Variants in CDC40 observed in about 807,000 individuals in gnomAD.
The protein encoded by CDC40 is pre-mRNA-processing factor 17.
CDC40 carries 27 observed loss-of-function variants against 80.6 expected under a neutral mutation model. The observed-to-expected ratio is 0.33, with a 90% confidence interval of 0.25 to 0.46. CDC40 has a LOEUF of 0.46. CDC40 is among the 20% of genes least tolerant of loss of function. CDC40 has a pLI of 1.00. For synonymous variants in CDC40, 221 were observed against 232.6 expected (o/e 0.95, Z 0.45); for missense variants, 486 against 694.1 (o/e 0.70, Z 3.37).
At chr6:110,225,873 C>G (rs1357233346) in intron 12 of CDC40, among the ~76,000 whole-genome samples, 1 of 152,120 alleles carries the variant, frequency 6.6e-6, no homozygotes, top group Non-Finnish European at 1.5e-5. Flanking sequence ...AAAGAACTTT[C>G]TTTCAGTAAC....
chr6:110,230,663 G>T lies in CDC40; in HGVS notation c.*532G>T, dbSNP rs1232305819. On this transcript the variant is annotated 3_prime_UTR_variant, in exon 15 of 15. Transcript: ENST00000307731. ...TCCACTCCCTTTGATGATATATGTT[G>T]TATATTTTTAGTTGTAAAGCAGTAA... is the stretch of plus-strand genomic sequence containing the variant. The T allele has an allele frequency of 6.6e-6, 1 of 151,316 alleles. No individual in the cohort carries two copies. Among genetic ancestry groups the T allele is most frequent in the African/African-American group, 2.5e-5 (1 of 40,684 alleles). The allele number at this position is 151,316 out of a possible 1,614,324, so 9.4% of individuals were successfully genotyped here.
chr6:110,224,327 T>C (rs1412772824), intron 12 of CDC40: 1 of 152,234 alleles, frequency 6.6e-6, no homozygotes, highest in African/African-American at 2.4e-5. Context: ...AGATATGAGT[T>C]ACTAGCTTAT....
intron 5 of CDC40, among the ~76,000 whole-genome samples, chr6:110,210,104 T>G (rs563260987): frequency 6.6e-6 from 1 of 152,278 alleles, no homozygotes; most frequent in African/African-American, 2.4e-5. Flanking sequence ...CCTTGTCTTT[T>G]TACTTGTATA....
chr6:110,227,772 G>A (rs1323427043), intron 13 of CDC40, among the ~76,000 whole-genome samples: 1 of 152,150 alleles, frequency 6.6e-6, no homozygotes, highest in African/African-American at 2.4e-5. Context: ...TAATCGAGAG[G>A]TGATTTAATG....
In CDC40 at chr6:110,183,617, T is replaced by C. The variant is rs117069698; in HGVS notation, c.189+2984T>C. ...TGTTTATATGAAGGGAAAACAAACT[T>C]ACACATAGTAAATATAATGATTGCA... On this transcript the variant is annotated intron_variant, in intron 1 of 14. Coordinates refer to ENST00000307731, the MANE Select transcript of CDC40 (RefSeq NM_015891.3). 2.0e-3 allele frequency among the ~76,000 whole-genome samples: 305 copies of C among 152,308 alleles called. 2 individuals carry two copies. The highest frequency in any genetic ancestry group is 0.012 in the East Asian group (63 of 5,182).
intron 2 of CDC40, among the ~76,000 whole-genome samples, 172 bp from the exon 3 acceptor site, chr6:110,201,386 G>GGT (rs1233687546): frequency 6.6e-6 from 1 of 152,136 alleles, no homozygotes. Context: ...GCTGACAAAT[G>GGT]GTGCTAATCA....
Position 110,201,617 on chromosome 6 carries a change from T to C in CDC40, c.336T>C (p.Ser112=), listed in dbSNP as rs751460541. 6.2e-7 allele frequency: 1 copy of C among 1,613,494 alleles called. No individual in the cohort carries two copies. The highest frequency in any genetic ancestry group is 1.3e-5 in the African/African-American group (1 of 75,042). Residue 112 remains serine, a synonymous_variant, in exon 3 of 15, where the codon TCT becomes TCC. Coordinates refer to ENST00000307731, the MANE Select transcript of CDC40 (RefSeq NM_015891.3). ...QQMAAPRNML[S]GYAEPAHIND... is the part of the protein sequence containing the mutation. ...TGGCTGCCCCTAGAAATATGCTTTCTGGATATGCCGAACCAGCTCATATCA... is the reference window on the plus strand; with the variant it reads ...TGGCTGCCCCTAGAAATATGCTTTCCGGATATGCCGAACCAGCTCATATCA...
intron 13 of CDC40, among the ~76,000 whole-genome samples, chr6:110,226,893 A>G (rs1777869775): frequency 6.6e-6 from 1 of 152,062 alleles, no homozygotes; most frequent in African/African-American, 2.4e-5. Flanking sequence ...GGTGGTGCAC[A>G]TTTGTAGCCC....
intron 3 of CDC40, among the ~76,000 whole-genome samples, chr6:110,207,011 C>A (rs1240584339): frequency 6.6e-6 from 1 of 152,024 alleles, no homozygotes; most frequent in African/African-American, 2.4e-5. Context: ...GCTTTGGGTT[C>A]TAAATAGAAA....
intron 14 of CDC40, 52 bp downstream of exon 14, chr6:110,229,028 C>T (rs1562209069): frequency 1.4e-6 from 2 of 1,392,044 alleles, no homozygotes; most frequent in East Asian, 2.4e-5. Flanking sequence ...ATTATATAAA[C>T]TGTTGTTGTA....
At chr6:110,210,585 G>T (rs2114663609) in intron 5 of CDC40, 122 bp from the exon 6 acceptor site, 55 of 277,114 alleles carry the variant, frequency 2.0e-4, no homozygotes, top group East Asian at 3.3e-4. Flanking sequence ...TGTTGAGCTT[G>T]TTATCCTGGG....
At chr6:110,229,141 A>C (rs1227647215) in intron 14 of CDC40, among the ~76,000 whole-genome samples, 165 bp downstream of exon 14, 1 of 152,210 alleles carries the variant, frequency 6.6e-6, no homozygotes, top group Non-Finnish European at 1.5e-5. Context: ...AGAACAAATT[A>C]GGAAAATTAC....
chr6:110,228,996 T>C lies in CDC40; in HGVS notation c.1562+20T>C, dbSNP rs760934413. The C allele has an allele frequency of 6.4e-7, 1 of 1,573,634 alleles. No homozygotes were observed. Among genetic ancestry groups the C allele is most frequent in the East Asian group, 2.3e-5 (1 of 43,886 alleles). On this transcript the variant is annotated intron_variant, in intron 14 of 14. Coordinates refer to ENST00000307731, the MANE Select transcript of CDC40 (RefSeq NM_015891.3). Reference sequence around the variant, plus strand: ...CATGAGGTAAGTTTAAATCTTCTAATCCATTCTCGTATTCAAATATGATTA... The same window carrying C: ...CATGAGGTAAGTTTAAATCTTCTAACCCATTCTCGTATTCAAATATGATTA...
chr6:110,212,039 A>T, intron 6 of CDC40, 94 bp from the exon 7 acceptor site: 1 of 1,035,906 alleles, frequency 9.7e-7, no homozygotes, highest in African/African-American at 1.6e-5. Context: ...ATATGGAATG[A>T]TATACCTGTG....
chr6:110,195,010 A>G (rs1016201385), intron 2 of CDC40, among the ~76,000 whole-genome samples: 1 of 152,236 alleles, frequency 6.6e-6, no homozygotes, highest in East Asian at 1.9e-4. Flanking sequence ...AAATTAGTTT[A>G]TGTGAGGAGC....
chr6:110,193,961 A>G (rs1219658504), intron 2 of CDC40, among the ~76,000 whole-genome samples: 1 of 152,218 alleles, frequency 6.6e-6, no homozygotes, highest in Admixed American at 6.5e-5. Context: ...ATATTACAAA[A>G]CATCTAATTA....
intron 3 of CDC40, among the ~76,000 whole-genome samples, chr6:110,204,034 A>G (rs1442812584): frequency 6.6e-6 from 1 of 152,034 alleles, no homozygotes; most frequent in Non-Finnish European, 1.5e-5. Flanking sequence ...ATTTTTTTTG[A>G]GACAGTCTCA....
At chr6:110,213,887 A>T (rs1346364966) in intron 8 of CDC40, among the ~76,000 whole-genome samples, 1 of 152,152 alleles carries the variant, frequency 6.6e-6, no homozygotes, top group East Asian at 1.9e-4. Flanking sequence ...TTGCCAATGC[A>T]TCTCAACCTG....
chr6:110,184,182 A>T (rs1354625394), intron 1 of CDC40, among the ~76,000 whole-genome samples: 1 of 152,200 alleles, frequency 6.6e-6, no homozygotes, highest in African/African-American at 2.4e-5. Flanking sequence ...ATTCTTAATA[A>T]TATGGCTTGA....
Sources: allele counts gnomAD v4.1 joint callset (sites outside exome capture counted in the v4.1 genomes callset), GRCh38; gene constraint gnomAD v4.1.1; transcripts MANE v1.5; gene names NCBI Gene and HGNC (gene_info 2026-07-23, HGNC 2026-07-21).